The following DOCK8 variants were observed in gnomAD, a reference collection of about 807,000 sequenced individuals.
DOCK8 encodes the protein dedicator of cytokinesis 8, also known as dedicator of cytokinesis protein 8.
DOCK8 carries 141 observed loss-of-function variants against 245.6 expected under a neutral mutation model. That is an observed-to-expected ratio of 0.57 (90% confidence interval 0.50 to 0.66). The LOEUF (loss-of-function observed/expected upper bound fraction) is 0.66, where lower values mean the gene tolerates loss of function less well. Ranked by LOEUF, DOCK8 falls within the 30% of genes least tolerant of loss-of-function variation. The pLI, the probability that DOCK8 is intolerant of heterozygous loss-of-function variation, is 0.00. For synonymous variants in DOCK8, 1,168 were observed against 970.2 expected (o/e 1.20, Z -3.79); for missense variants, 2,965 against 2,603.4 (o/e 1.14, Z -3.02).
chr9:308,696 C>A (rs1338391159), intron 5 of DOCK8, among the ~76,000 whole-genome samples: 2 of 152,144 alleles, frequency 1.3e-5, no homozygotes, highest in Non-Finnish European at 2.9e-5. Context: ...CTTGCTCTGT[C>A]GCCTAGGCTG....
rs1564016613 is a variant in DOCK8, at chr9:400,945, C to CTTTCCT, written c.3234+1686_3234+1687insTTTCCT. Among the ~76,000 whole-genome samples, 12 of 117,438 alleles carry CTTTCCT rather than the reference C, an allele frequency of 1.0e-4. 3 individuals are homozygous for CTTTCCT. The highest frequency in any genetic ancestry group is 2.8e-4 in the South Asian group (1 of 3,510). The allele number at this position is 117,438 out of a possible 152,430, so 77.0% of individuals were successfully genotyped here. On this transcript the variant is annotated intron_variant, in intron 26 of 47. Transcript: ENST00000432829. ...CCATCACCACAACATCCACCACCACCATCACCACCACCACCACCACCTCCT... is the reference window on the plus strand; with the variant it reads ...CCATCACCACAACATCCACCACCACCTTTCCTATCACCACCACCACCACCACCTCCT...
intron 26 of DOCK8, among the ~76,000 whole-genome samples, chr9:403,910 A>C (rs1287086878): frequency 2.2e-3 from 201 of 89,424 alleles, no homozygotes; most frequent in African/African-American, 4.1e-3. Flanking sequence ...ATATATATAT[A>C]TATATACATA....
At chr9:319,760 C>A (rs536861387) in intron 7 of DOCK8, among the ~76,000 whole-genome samples, 1 of 151,380 alleles carries the variant, frequency 6.6e-6, no homozygotes, top group African/African-American at 2.4e-5. Flanking sequence ...TAGGGTCCTG[C>A]CAATTCTGCA....
chr9:323,085 C>T (rs2050592196), intron 7 of DOCK8, among the ~76,000 whole-genome samples: 1 of 136,278 alleles, frequency 7.3e-6, no homozygotes, highest in Admixed American at 7.3e-5. Context: ...AAGAGCAAAA[C>T]TCCATCTCAA....
At chr9:317,975 CAAAA>C (rs33920445) in intron 7 of DOCK8, among the ~76,000 whole-genome samples, 1 of 149,614 alleles carries the variant, frequency 6.7e-6, no homozygotes, top group Non-Finnish European at 1.5e-5. Flanking sequence ...ACTATGATAG[CAAAA>C]AAAAAAAATC....
At chr9:401,043 CTT>C (rs1460039053) in intron 26 of DOCK8, among the ~76,000 whole-genome samples, 50 of 139,214 alleles carry the variant, frequency 3.6e-4, no homozygotes, top group Non-Finnish European at 6.0e-4. Flanking sequence ...TCCACCATCA[CTT>C]CTTCCACCAT....
At chr9:463,994 G>A (rs910927507) in intron 47 of DOCK8, among the ~76,000 whole-genome samples, 165 bp from the exon 48 acceptor site, 4 of 152,180 alleles carry the variant, frequency 2.6e-5, no homozygotes, top group Non-Finnish European at 5.9e-5. Flanking sequence ...TTGGCACAGT[G>A]TGAAGGGGTC....
chr9:445,503 C>A (rs2057226127), intron 43 of DOCK8, among the ~76,000 whole-genome samples: 1 of 152,112 alleles, frequency 6.6e-6, no homozygotes, highest in African/African-American at 2.4e-5. Context: ...TAAATGAGGC[C>A]TAGGCAGTAA....
upstream of DOCK8, chr9:214,608 C>T (rs150902456): frequency 1.9e-6 from 3 of 1,613,886 alleles, no homozygotes; most frequent in Non-Finnish European, 2.5e-6. Flanking sequence ...GCAGATGGAG[C>T]TTCCGGCCTG....
At chr9:289,406 C>T (rs771384749) in intron 3 of DOCK8, 104 bp from the exon 4 acceptor site, 126 of 897,658 alleles carry the variant, frequency 1.4e-4, no homozygotes, top group Non-Finnish European at 1.8e-4. Flanking sequence ...AGCATTCTCA[C>T]TGATAAGGAT....
intron 14 of DOCK8, among the ~76,000 whole-genome samples, chr9:355,127 G>A (rs541389514): frequency 6.6e-6 from 1 of 151,856 alleles, no homozygotes; most frequent in South Asian, 2.1e-4. Flanking sequence ...TAATTTTGTG[G>A]ATGCTGAGGA....
intron 46 of DOCK8, among the ~76,000 whole-genome samples, chr9:461,014 T>C (rs1483273569): frequency 6.6e-6 from 1 of 152,250 alleles, no homozygotes; most frequent in Non-Finnish European, 1.5e-5. Flanking sequence ...GGTTTATTGA[T>C]TTGTAAGTTC....
chr9:244,235 T>C (rs1339458020), intron 1 of DOCK8, among the ~76,000 whole-genome samples: 1 of 149,996 alleles, frequency 6.7e-6, no homozygotes, highest in Non-Finnish European at 1.5e-5. Context: ...TTTTCCTCCA[T>C]GTTCCATGAA....
chr9:247,564 C>T (rs997124644), intron 1 of DOCK8, among the ~76,000 whole-genome samples: 2 of 152,082 alleles, frequency 1.3e-5, no homozygotes, highest in Non-Finnish European at 2.9e-5. Context: ...GAGGGAGTCT[C>T]GCTCTGTCGC....
chr9:367,961 C>G, intron 14 of DOCK8, 57 bp from the exon 15 acceptor site: 1 of 1,421,336 alleles, frequency 7.0e-7, no homozygotes, highest in Non-Finnish European at 9.9e-7. Context: ...TGCTGAAGAA[C>G]TTAGTTAAAA....
chr9:357,995 G>A (rs943041591), intron 14 of DOCK8, among the ~76,000 whole-genome samples: 6 of 152,198 alleles, frequency 3.9e-5, no homozygotes, highest in African/African-American at 1.4e-4. Flanking sequence ...ATGGCATGAG[G>A]CCGTGGCCAC....
intron 4 of DOCK8, among the ~76,000 whole-genome samples, chr9:303,152 CCT>C (rs1285119493): frequency 6.6e-6 from 1 of 151,374 alleles, no homozygotes; most frequent in African/African-American, 2.4e-5. Flanking sequence ...AGAACGAGAC[CCT>C]GTCTCAAGAA....
intron 35 of DOCK8, among the ~76,000 whole-genome samples, chr9:428,857 C>G (rs1029574614): frequency 2.6e-5 from 4 of 152,330 alleles, no homozygotes; most frequent in African/African-American, 9.6e-5. Flanking sequence ...GCCCATTAGT[C>G]TTACAAAATG....
intron 1 of DOCK8, among the ~76,000 whole-genome samples, chr9:217,493 T>A (rs2046784494): frequency 6.6e-6 from 1 of 152,160 alleles, no homozygotes; most frequent in South Asian, 2.1e-4. Context: ...AAGAGCCCCC[T>A]CAAGTTTAAT....
Sources: allele counts gnomAD v4.1 joint callset (sites outside exome capture counted in the v4.1 genomes callset), GRCh38; gene constraint gnomAD v4.1.1; transcripts MANE v1.5; gene names NCBI Gene and HGNC (gene_info 2026-07-23, HGNC 2026-07-21).